The following PABPC1 variants were observed in gnomAD, a reference collection of about 807,000 sequenced individuals.
The protein encoded by PABPC1 is poly(A) binding protein cytoplasmic 1, also known as polyadenylate-binding protein 1.
In PABPC1, 4 loss-of-function variants were observed where a neutral mutation model predicts 74.0. The observed-to-expected ratio is 0.05, with a 90% CI of 0.03 to 0.12. PABPC1 has a LOEUF of 0.12. PABPC1 is among the 10% of genes least tolerant of loss of function. The pLI is 1.00. For missense variants in PABPC1, 271 were observed against 821.1 expected (o/e 0.33, Z 8.19); for synonymous variants, 227 against 264.1 (o/e 0.86, Z 1.36).
chr8:100,719,769 G>C (rs73700221), intron 1 of PABPC1, among the ~76,000 whole-genome samples: 7,592 of 152,192 alleles, frequency 0.05, 625 homozygotes, highest in African/African-American at 0.17. Flanking sequence ...TTTTCATTTT[G>C]TGGTCTCTAG....
intron 1 of PABPC1, among the ~76,000 whole-genome samples, chr8:100,720,959 G>T (rs138789137): frequency 1.3e-4 from 20 of 152,268 alleles, no homozygotes; most frequent in African/African-American, 4.6e-4. Flanking sequence ...TTCGAGCACA[G>T]AACTGCACTT....
intron 4 of PABPC1, among the ~76,000 whole-genome samples, chr8:100,713,646 C>CA (rs1165959153): frequency 5.3e-5 from 8 of 152,126 alleles, no homozygotes; most frequent in African/African-American, 1.9e-4. Context: ...CACATACCAC[C>CA]ATGCCTGGCT....
intron 1 of PABPC1, among the ~76,000 whole-genome samples, chr8:100,719,277 T>C (rs1029007179): frequency 1.3e-5 from 2 of 152,196 alleles, no homozygotes; most frequent in South Asian, 2.1e-4. Flanking sequence ...ATTGACAGGA[T>C]GAATTTTCCG....
chr8:100,722,010 A>AT lies in PABPC1; in HGVS notation c.-428dup, dbSNP rs143162885. The AT allele has an allele frequency of 0.052, 8,068 of 156,372 alleles. 635 individuals are homozygous for AT. The highest frequency in any genetic ancestry group is 0.17 in the African/African-American group (7,082 of 41,366). The allele number at this position is 156,372 out of a possible 1,614,324, so 9.7% of individuals were successfully genotyped here. A position where few individuals can be genotyped will look rare whatever the true frequency, so the allele number is the denominator to read the frequency against. ...AAAGATTTTTTTAGATTTTTTTTGG[A>AT]TTTTTTAATAATAAATGTGTGTTCC... On this transcript the variant is annotated 5_prime_UTR_variant, in exon 1 of 15. Transcript: ENST00000318607.
chr8:100,706,708 T>C lies in PABPC1; in HGVS notation c.1545A>G (p.Ala515=), dbSNP rs1449956556. ...GATGTTGCTGAGGATTGCGAACTCC[T>C]GCAGCATATTTATACTGTGGAACGG... is the stretch of plus-strand genomic sequence containing the variant. The part of the protein sequence containing the change: ...VRTVPQYKYA[A]GVRNPQQHLN... The change falls in exon 11 of 15, where the codon GCA becomes GCG. Residue 515 remains alanine (A), a synonymous_variant. Coordinates refer to ENST00000318607, the MANE Select transcript of PABPC1 (RefSeq NM_002568.4). The C allele has an allele frequency of 5.0e-6, 8 of 1,614,030 alleles. No individual in the cohort carries two copies. Among genetic ancestry groups the C allele is most frequent in the Non-Finnish European group, 6.8e-6 (8 of 1,179,936 alleles).
chr8:100,709,618 T>C lies in PABPC1; in HGVS notation c.1086A>G (p.Pro362=), dbSNP rs775180888. Residue 362 remains proline, a synonymous_variant, in exon 8 of 15, where the codon CCA becomes CCG. Coordinates refer to ENST00000318607, the MANE Select transcript of PABPC1 (RefSeq NM_002568.4). ...EMNGRIVATK[P]LYVALAQRKE... ...TGCGCTGAGCTAAAGCTACATACAA[T>C]GGCTTTGTGGCCACAATTCTACCGT... is the stretch of plus-strand genomic sequence containing the variant. The C allele has an allele frequency of 9.3e-6, 15 of 1,614,112 alleles. No individual in the cohort carries two copies. The Admixed American group carries it at 1.5e-4, about 16-fold the overall frequency.
At chr8:100,720,476 G>A (rs1810790004) in intron 1 of PABPC1, among the ~76,000 whole-genome samples, 1 of 152,096 alleles carries the variant, frequency 6.6e-6, no homozygotes, top group African/African-American at 2.4e-5. Flanking sequence ...TGGTCCAGTT[G>A]GAATTACACT....
intron 12 of PABPC1, 44 bp from the exon 13 acceptor site, chr8:100,705,100 T>G (rs778181830): frequency 1.3e-6 from 2 of 1,565,340 alleles, no homozygotes; most frequent in South Asian, 2.3e-5. Flanking sequence ...TAAAAAAAAG[T>G]TTTTAACTGC....
intron 11 of PABPC1, 67 bp from the exon 12 acceptor site, chr8:100,705,740 AATG>A (rs1224047714): frequency 3.0e-6 from 3 of 987,488 alleles, no homozygotes; most frequent in Non-Finnish European, 4.8e-6. Flanking sequence ...AATAGTCATC[AATG>A]GACATCTGCT....
intron 1 of PABPC1, among the ~76,000 whole-genome samples, chr8:100,720,725 G>A (rs182136251): frequency 8.5e-4 from 130 of 152,248 alleles, no homozygotes; most frequent in African/African-American, 3.0e-3. Flanking sequence ...TTGATCTAGG[G>A]GAAACCCCAA....
intron 1 of PABPC1, among the ~76,000 whole-genome samples, chr8:100,718,686 G>A (rs1246659431): frequency 1.3e-5 from 2 of 152,188 alleles, no homozygotes; most frequent in Non-Finnish European, 2.9e-5. Flanking sequence ...CAAGCTGGAA[G>A]TAGTTTATAG....
rs1052039365 is a variant in PABPC1, at chr8:100,702,997, T to C, written c.*364A>G. 1 of 150,646 alleles carries C rather than the reference T, an allele frequency of 6.6e-6. No homozygotes were observed. The highest frequency in any genetic ancestry group is 2.5e-5 in the African/African-American group (1 of 40,452). 9.3% of individuals were successfully genotyped at this position (150,646 alleles called of 1,614,324 possible). Reference sequence around the variant, plus strand: ...TTGCTCAGTTATCAATTCTGTTACTTAAAACAGAACTGACATTCTGAGCTA... The same window carrying C: ...TTGCTCAGTTATCAATTCTGTTACTCAAAACAGAACTGACATTCTGAGCTA... On this transcript the variant is annotated 3_prime_UTR_variant, in exon 15 of 15. Transcript: ENST00000318607.
Position 100,721,297 on chromosome 8 carries a change from C to G in PABPC1, c.193+94G>C, listed in dbSNP as rs892972478. On this transcript the variant is annotated intron_variant, in intron 1 of 14. Transcript: ENST00000318607. This position sits in a 1 kb window ranked among gnomAD's most constrained non-coding sequence, Gnocchi z 7.4. ...GCGGGGTGACATGCCCTCCCGCCCCCCTCCCCGGGCCCGCCGGCCTACCCC... is the reference window on the plus strand; with the variant it reads ...GCGGGGTGACATGCCCTCCCGCCCCGCTCCCCGGGCCCGCCGGCCTACCCC... 37 of 513,862 alleles carry G rather than the reference C, an allele frequency of 7.2e-5. No individual in the cohort carries two copies. The highest frequency in any genetic ancestry group is 8.7e-5 in the Non-Finnish European group (33 of 380,482). The allele number at this position is 513,862 out of a possible 1,614,324, so 31.8% of individuals were successfully genotyped here. A position where few individuals can be genotyped will look rare whatever the true frequency, so the allele number is the denominator to read the frequency against.
At chr8:100,708,754 T>C (rs560652981) in intron 9 of PABPC1, among the ~76,000 whole-genome samples, 1 of 152,198 alleles carries the variant, frequency 6.6e-6, no homozygotes, top group South Asian at 2.1e-4. Context: ...CGGGCACCTG[T>C]AATCCCAGCT....
Position 100,721,828 on chromosome 8 carries a change from G to T in PABPC1, c.-245C>A, listed in dbSNP as rs1810842597. On this transcript the variant is annotated 5_prime_UTR_variant, in exon 1 of 15. Transcript: ENST00000318607. The surrounding 1 kb of genome is among the most constrained non-coding windows in gnomAD (Gnocchi z 7.4). ...CGGGTCCGGGCAGCGGGAAGGCCTCGGTCTCTTGGTTCCTTCTTGGAGCTG... is the reference window on the plus strand; with the variant it reads ...CGGGTCCGGGCAGCGGGAAGGCCTCTGTCTCTTGGTTCCTTCTTGGAGCTG... The T allele has an allele frequency of 7.7e-6, 3 of 387,110 alleles. No homozygotes were observed. Among genetic ancestry groups the T allele is most frequent in the African/African-American group, 2.1e-5 (1 of 48,172 alleles). The allele number at this position is 387,110 out of a possible 1,614,324, so 24.0% of individuals were successfully genotyped here.
At position 100,705,060 on chromosome 8, in the gene PABPC1, G is replaced by C. The variant is rs577920369; in HGVS notation, c.1688-4C>G. On this transcript the variant is annotated splice_region_variant and splice_polypyrimidine_tract_variant and intron_variant, in intron 12 of 14. Coordinates refer to ENST00000318607, the MANE Select transcript of PABPC1 (RefSeq NM_002568.4). The stretch of plus-strand genomic sequence containing the variant: ...ATAAGAGGAAACAGCCGTTCACCTA[G>C]GAACAGAAACATTCAAAAACTCCCT... The C allele has an allele frequency of 3.3e-5, 53 of 1,603,232 alleles. 1 individual carries two copies. The South Asian group carries it at 5.1e-4, about 15-fold the overall frequency.
At chr8:100,709,322 C>G in intron 8 of PABPC1, 99 bp from the exon 9 acceptor site, 1 of 1,458,368 alleles carries the variant, frequency 6.9e-7, no homozygotes, top group East Asian at 2.3e-5. Context: ...CAGGACTTCA[C>G]ACTCAAGCAT....
chr8:100,714,722 CA>C (rs141607220), intron 4 of PABPC1, among the ~76,000 whole-genome samples: 14 of 145,940 alleles, frequency 9.6e-5, no homozygotes, highest in South Asian at 2.2e-4. Context: ...GAGCAAGAGT[CA>C]AAAAAAAAAG....
intron 6 of PABPC1, 55 bp downstream of exon 6, chr8:100,712,597 G>C: frequency 6.4e-7 from 1 of 1,569,468 alleles, no homozygotes; most frequent in Non-Finnish European, 8.6e-7. Context: ...TGAAATCAAC[G>C]TAAAATAGGT....
Sources: gnomAD v4.1 joint callset for allele counts (sites outside exome capture counted in the v4.1 genomes callset) on GRCh38, gnomAD v4.1.1 for gene constraint, Gnocchi (gnomAD v3.1) non-coding constraint, MANE v1.5 for transcripts, NCBI Gene and HGNC (gene_info 2026-07-23, HGNC 2026-07-21) for gene names.